Variants in EPB41L3 observed in about 807,000 individuals in gnomAD.
EPB41L3 encodes the protein band 4.1-like protein 3.
EPB41L3 carries 57 observed loss-of-function variants against 127.1 expected under a neutral mutation model. The observed-to-expected ratio is 0.45, with a 90% CI of 0.36 to 0.56. EPB41L3 has a LOEUF of 0.56. Among genes scored for constraint, EPB41L3 ranks in the 20% least tolerant of loss-of-function variants. The pLI, the probability that EPB41L3 is intolerant of heterozygous loss-of-function variation, is 0.00. For synonymous variants in EPB41L3, 572 were observed against 549.5 expected (o/e 1.04, Z -0.57); for missense variants, 1,273 against 1,372.2 (o/e 0.93, Z 1.14).
At chr18:5,503,818 A>G (rs1321831112) in intron 1 of EPB41L3, among the ~76,000 whole-genome samples, 1 of 152,212 alleles carries the variant, frequency 6.6e-6, no homozygotes, top group Non-Finnish European at 1.5e-5. Context: ...TTTGGAAGGT[A>G]TATGCTGACT....
At chr18:5,495,834 T>A (rs1265422774) in intron 1 of EPB41L3, among the ~76,000 whole-genome samples, 3 of 152,212 alleles carry the variant, frequency 2.0e-5, no homozygotes, top group South Asian at 4.1e-4. Context: ...TCCAAAATTC[T>A]AGGATTCCTG....
At chr18:5,402,034 A>G (rs1356082601) in intron 16 of EPB41L3, among the ~76,000 whole-genome samples, 1 of 152,076 alleles carries the variant, frequency 6.6e-6, no homozygotes, top group Non-Finnish European at 1.5e-5. Context: ...TACCAGTACT[A>G]CATTTAATCA....
intron 3 of EPB41L3, among the ~76,000 whole-genome samples, chr18:5,588,134 A>G (rs985982766): frequency 2.0e-5 from 3 of 152,192 alleles, no homozygotes; most frequent in African/African-American, 4.8e-5. Context: ...CACTGGCAGA[A>G]GTTGCAAGGA....
At chr18:5,566,941 G>T (rs1360753677) in intron 3 of EPB41L3, among the ~76,000 whole-genome samples, 1 of 151,976 alleles carries the variant, frequency 6.6e-6, no homozygotes, top group Non-Finnish European at 1.5e-5. Context: ...GAGTAGTTGG[G>T]ATTACAGGCA....
chr18:5,579,455 G>C lies in EPB41L3; in HGVS notation c.-306+32885C>G, dbSNP rs9951400. On this transcript the variant is annotated intron_variant, in intron 3 of 21. Coordinates refer to the EPB41L3 transcript ENST00000545076. Reference sequence around the variant, plus strand: ...ACATATCATTAACCAAAGATTATTAGTAATCTAATTTTGTACCTCTGAGGT... The same window carrying C: ...ACATATCATTAACCAAAGATTATTACTAATCTAATTTTGTACCTCTGAGGT... Among the ~76,000 whole-genome samples, 718 of 152,254 alleles carry C rather than the reference G, an allele frequency of 4.7e-3. 6 individuals are homozygous for C. The highest frequency in any genetic ancestry group is 0.017 in the African/African-American group (695 of 41,546).
intron 2 of EPB41L3, among the ~76,000 whole-genome samples, chr18:5,488,582 G>GATAATAATAATAATAATA (rs765331687): frequency 8.1e-5 from 12 of 148,932 alleles, no homozygotes; most frequent in African/African-American, 2.8e-4. Context: ...TGATGATGAT[G>GATAATAATAATAATAATA]ATAATAATAA....
At chr18:5,555,853 G>A (rs2094027104) in intron 3 of EPB41L3, among the ~76,000 whole-genome samples, 1 of 152,126 alleles carries the variant, frequency 6.6e-6, no homozygotes, top group Admixed American at 6.6e-5. Context: ...TGCTGTAAGT[G>A]TTCCCTTCCT....
intron 1 of EPB41L3, among the ~76,000 whole-genome samples, chr18:5,499,545 C>T (rs1017192228): frequency 8.6e-5 from 13 of 151,886 alleles, no homozygotes; most frequent in Non-Finnish European, 1.6e-4. Context: ...GGGTGGATCA[C>T]GAGGTCAGGA....
intron 1 of EPB41L3, among the ~76,000 whole-genome samples, chr18:5,505,338 C>G (rs1459780364): frequency 6.6e-6 from 1 of 152,094 alleles, no homozygotes; most frequent in Admixed American, 6.5e-5. Flanking sequence ...CCTCATGCAC[C>G]ACATGGTCCT....
At chr18:5,502,681 T>G (rs1162969941) in intron 1 of EPB41L3, among the ~76,000 whole-genome samples, 1 of 151,872 alleles carries the variant, frequency 6.6e-6, no homozygotes, top group Non-Finnish European at 1.5e-5. Flanking sequence ...CTGGGAAGAG[T>G]GGACAACATT....
chr18:5,460,242 C>T (rs2083756178), intron 3 of EPB41L3, among the ~76,000 whole-genome samples: 1 of 152,184 alleles, frequency 6.6e-6, no homozygotes, highest in African/African-American at 2.4e-5. Flanking sequence ...ATGGCTGCTA[C>T]ACATGAGTGG....
chr18:5,408,010 G>A (rs969502415), intron 14 of EPB41L3, among the ~76,000 whole-genome samples: 1 of 152,166 alleles, frequency 6.6e-6, no homozygotes, highest in Non-Finnish European at 1.5e-5. Flanking sequence ...TGACAGCAAG[G>A]GTGTGGCAGG....
intron 3 of EPB41L3, among the ~76,000 whole-genome samples, chr18:5,555,570 C>T (rs1297383258): frequency 6.6e-6 from 1 of 151,978 alleles, no homozygotes; most frequent in African/African-American, 2.4e-5. Context: ...CCAGGCATCT[C>T]CTGGACACCT....
chr18:5,481,184 G>T (rs2088427223), intron 2 of EPB41L3, among the ~76,000 whole-genome samples: 1 of 152,130 alleles, frequency 6.6e-6, no homozygotes, highest in Non-Finnish European at 1.5e-5. Context: ...GTTTAAAGCA[G>T]AACTTGTGAC....
chr18:5,402,219 G>T (rs1259130020), intron 16 of EPB41L3, among the ~76,000 whole-genome samples: 1 of 149,340 alleles, frequency 6.7e-6, no homozygotes, highest in Non-Finnish European at 1.5e-5. Flanking sequence ...GCATTTTGGA[G>T]GACGGTATTG....
At chr18:5,521,493 T>C (rs914080328) in intron 1 of EPB41L3, 25 of 152,348 alleles carry the variant, frequency 1.6e-4, no homozygotes, top group Middle Eastern at 3.4e-3. Context: ...AGCACCACGA[T>C]GAGCATGGCT....
chr18:5,468,064 G>C (rs1458904583), intron 3 of EPB41L3, among the ~76,000 whole-genome samples: 1 of 152,184 alleles, frequency 6.6e-6, no homozygotes, highest in Non-Finnish European at 1.5e-5. Flanking sequence ...GGCTGAGCCT[G>C]GGCTGTCATG....
chr18:5,487,707 G>A (rs1343203317), intron 2 of EPB41L3, among the ~76,000 whole-genome samples: 5 of 149,666 alleles, frequency 3.3e-5, no homozygotes, highest in East Asian at 3.9e-4. Context: ...CAGGTGATCC[G>A]CCCTCCTAAG....
chr18:5,441,878 C>A (rs558784348), intron 5 of EPB41L3, among the ~76,000 whole-genome samples: 20 of 152,144 alleles, frequency 1.3e-4, no homozygotes, highest in Admixed American at 6.5e-4. Flanking sequence ...ATAAAAAAAT[C>A]TTTTAAAACT....
Sources: gnomAD v4.1 joint callset for allele counts (sites outside exome capture counted in the v4.1 genomes callset) on GRCh38, gnomAD v4.1.1 for gene constraint, MANE v1.5 for transcripts, NCBI Gene and HGNC (gene_info 2026-07-23, HGNC 2026-07-21) for gene names.